Variants in PLS1 observed in about 807,000 individuals in gnomAD.
The protein encoded by PLS1 is plastin 1, also known as plastin-1.
In PLS1, 32 loss-of-function variants were observed where a neutral mutation model predicts 73.7. The ratio of observed to expected loss-of-function variants is 0.43; its 90% confidence interval spans 0.33 to 0.58. The LOEUF (loss-of-function observed/expected upper bound fraction) is 0.58, where lower values mean the gene tolerates loss of function less well. Ranked by LOEUF, PLS1 falls within the 20% of genes least tolerant of loss-of-function variation. The pLI, the probability that PLS1 is intolerant of heterozygous loss-of-function variation, is 0.04. For missense variants in PLS1, 633 were observed against 740.5 expected, an observed-to-expected ratio of 0.85 and a Z score of 1.68; for synonymous variants, 217 against 261.3, an observed-to-expected ratio of 0.83 and a Z score of 1.63.
chr3:142,654,990 A>G (rs1030283373), intron 1 of PLS1: 5 of 152,140 alleles, frequency 3.3e-5, no homozygotes, highest in African/African-American at 1.2e-4. Context: ...AATTTTACTA[A>G]CCTTTCCCCA....
chr3:142,642,550 A>G (rs897723259), intron 1 of PLS1, among the ~76,000 whole-genome samples: 1 of 152,192 alleles, frequency 6.6e-6, no homozygotes, highest in Non-Finnish European at 1.5e-5. Context: ...AGTTTGTTCC[A>G]GTTTTCACCC....
In PLS1 at chr3:142,599,231, A is replaced by C. The variant is rs573675331; in HGVS notation, c.-37+2722A>C. ...AAATAAATAAAAAGTGCATTTTGCC[A>C]TGGGGAGGGTGGGCATTTAGGATCT... is the stretch of plus-strand genomic sequence containing the variant. On this transcript the variant is annotated intron_variant, in intron 1 of 15. Transcript: ENST00000457734. Among the ~76,000 whole-genome samples, 223 of 151,626 alleles carry C rather than the reference A, an allele frequency of 1.5e-3. 1 individual carries two copies. Among genetic ancestry groups the C allele is most frequent in the Non-Finnish European group, 2.6e-3 (174 of 67,928 alleles).
intron 1 of PLS1, among the ~76,000 whole-genome samples, chr3:142,621,605 T>A (rs1478952935): frequency 6.6e-6 from 1 of 152,210 alleles, no homozygotes; most frequent in Non-Finnish European, 1.5e-5. Context: ...TTCATACACA[T>A]GTGCATAGAA....
intron 6 of PLS1, among the ~76,000 whole-genome samples, chr3:142,681,964 G>A (rs948737617): frequency 2.0e-5 from 3 of 152,078 alleles, no homozygotes; most frequent in Admixed American, 6.5e-5. Context: ...CATCAAAAGC[G>A]GTTTTTCTCC....
At chr3:142,607,099 ATC>A (rs1363260977) in intron 1 of PLS1, among the ~76,000 whole-genome samples, 2 of 152,192 alleles carry the variant, frequency 1.3e-5, no homozygotes, top group African/African-American at 2.4e-5. Context: ...GCACTTTATT[ATC>A]TGTCTTTTAA....
chr3:142,666,075 G>C (rs1049925378), intron 2 of PLS1, among the ~76,000 whole-genome samples: 2 of 152,140 alleles, frequency 1.3e-5, no homozygotes, highest in Non-Finnish European at 2.9e-5. Flanking sequence ...AGAGGAACAC[G>C]GCCATCCAAT....
Position 142,689,429 on chromosome 3 carries a change from C to CATAAATAA in PLS1, c.982-167_982-160dup, listed in dbSNP as rs60286789. Among the ~76,000 whole-genome samples, 14,322 of 148,470 alleles carry CATAAATAA rather than the reference C, an allele frequency of 0.096. 799 individuals carry two copies. Among genetic ancestry groups the CATAAATAA allele is most frequent in the Non-Finnish European group, 0.13 (8,402 of 67,196 alleles). ...CAGAGCAAGACTCTGTCTCTAAATA[C>CATAAATAA]ATAAATAAATAAATAAATAAATAAA... On this transcript the variant is annotated intron_variant, in intron 9 of 15. Coordinates refer to ENST00000457734, the MANE Select transcript of PLS1 (RefSeq NM_001145319.2).
At chr3:142,638,069 A>G (rs748981929) in intron 1 of PLS1, among the ~76,000 whole-genome samples, 1 of 152,258 alleles carries the variant, frequency 6.6e-6, no homozygotes, top group Admixed American at 6.5e-5. Flanking sequence ...ATACCTGTCT[A>G]TCTGCTCGCT....
intron 1 of PLS1, among the ~76,000 whole-genome samples, chr3:142,650,013 A>G (rs141493179): frequency 1.3e-4 from 19 of 151,998 alleles, no homozygotes; most frequent in African/African-American, 4.3e-4. Context: ...TTTTGTCTCT[A>G]TATATTCGTT....
intron 5 of PLS1, 73 bp downstream of exon 5, chr3:142,676,362 A>G (rs2037725216): frequency 7.2e-7 from 1 of 1,385,424 alleles, no homozygotes; most frequent in African/African-American, 1.4e-5. Flanking sequence ...GAAAACTCCA[A>G]TTCAGCTGTC....
intron 1 of PLS1, among the ~76,000 whole-genome samples, chr3:142,661,751 A>T (rs1193426379): frequency 6.6e-6 from 1 of 152,218 alleles, no homozygotes; most frequent in Non-Finnish European, 1.5e-5. Context: ...TCTGAGGCAC[A>T]TATTAACTGT....
rs1320197496 is a variant in PLS1 at position 142,694,530 on chromosome 3, C to A, written c.1239C>A (p.Tyr413Ter). 2 of 1,587,430 alleles carry A rather than the reference C, an allele frequency of 1.3e-6. No individual in the cohort carries two copies. The highest frequency in any genetic ancestry group is 1.7e-6 in the Non-Finnish European group (2 of 1,156,208). Residue 413 changes from tyrosine (Y) to a stop codon, truncating the protein, a stop_gained, in exon 11 of 16, where the codon TAC becomes TAA. Transcript: ENST00000457734. LOFTEE classifies it high-confidence loss of function. ...NWMNSLGVNP[Y>*]INHLYSDLAD... is the part of the protein sequence containing the mutation. Reference sequence around the variant, plus strand: ...TGAATTCCTTGGGAGTCAACCCATACATTAATCATTTGTACAGGTAAATAT... The same window carrying A: ...TGAATTCCTTGGGAGTCAACCCATAAATTAATCATTTGTACAGGTAAATAT...
intron 1 of PLS1, among the ~76,000 whole-genome samples, chr3:142,653,642 G>A (rs1469369807): frequency 6.6e-6 from 1 of 152,018 alleles, no homozygotes; most frequent in Non-Finnish European, 1.5e-5. Context: ...GGGATTACAC[G>A]TGTGAGCCAC....
At position 142,689,615 on chromosome 3, in the gene PLS1, T is replaced by C; in HGVS notation, c.982-3T>C. The stretch of plus-strand genomic sequence containing the variant: ...TTGTAACCATTTTTGTTTTATTGTT[T>C]AGGAGACAAATGACCTGAAGCGTGC... On this transcript the variant is annotated splice_polypyrimidine_tract_variant and splice_region_variant and intron_variant, in intron 9 of 15. Coordinates refer to ENST00000457734, the MANE Select transcript of PLS1 (RefSeq NM_001145319.2). The C allele has an allele frequency of 1.3e-6, 2 of 1,531,968 alleles. No homozygotes were observed. Among genetic ancestry groups the C allele is most frequent in the East Asian group, 2.4e-5 (1 of 41,554 alleles). The allele number at this position is 1,531,968 out of a possible 1,614,324, so 94.9% of individuals were successfully genotyped here. A position where few individuals can be genotyped will look rare whatever the true frequency, so the allele number is the denominator to read the frequency against.
At chr3:142,711,426 G>T in intron 14 of PLS1, 75 bp from the exon 15 acceptor site, 1 of 1,135,096 alleles carries the variant, frequency 8.8e-7, no homozygotes, top group Non-Finnish European at 1.3e-6. Flanking sequence ...TCAGTTATAT[G>T]ATCAGAAGAG....
chr3:142,669,000 T>C (rs1190083029), intron 2 of PLS1, among the ~76,000 whole-genome samples: 1 of 152,162 alleles, frequency 6.6e-6, no homozygotes, highest in African/African-American at 2.4e-5. Context: ...GCCCTAAATC[T>C]ATGGGGATAA....
At position 142,638,108 on chromosome 3, in the gene PLS1, A is replaced by T. The variant is rs149130610; in HGVS notation, c.-36-26094A>T. 3.4e-3 allele frequency among the ~76,000 whole-genome samples: 523 copies of T among 152,290 alleles called. 4 individuals are homozygous for T. Among genetic ancestry groups the T allele is most frequent in the African/African-American group, 0.012 (502 of 41,570 alleles). On this transcript the variant is annotated intron_variant, in intron 1 of 15. Coordinates refer to ENST00000457734, the MANE Select transcript of PLS1 (RefSeq NM_001145319.2). ...CCTGAGATTCCAAAATTCCTAGAGA[A>T]TAAAACTTTTTTATTCTATAATTAA... is the stretch of plus-strand genomic sequence containing the variant.
At chr3:142,649,025 A>G (rs1367804957) in intron 1 of PLS1, among the ~76,000 whole-genome samples, 1 of 152,178 alleles carries the variant, frequency 6.6e-6, no homozygotes, top group Non-Finnish European at 1.5e-5. Flanking sequence ...TTCTCTTTAC[A>G]TGCAATACTT....
Sources: allele counts gnomAD v4.1 joint callset (sites outside exome capture counted in the v4.1 genomes callset), GRCh38; gene constraint gnomAD v4.1.1; transcripts MANE v1.5; gene names NCBI Gene and HGNC (gene_info 2026-07-23, HGNC 2026-07-21).